PZP: variants seen among roughly 807,000 people sequenced by gnomAD.
The protein encoded by PZP is pregnancy zone protein.
Under a neutral mutation model 179.8 loss-of-function variants are expected in PZP, and 150 were observed. That is an observed-to-expected ratio of 0.83 (90% CI 0.73 to 0.96). The LOEUF is 0.96. Among genes scored for constraint, PZP ranks in the 40% least tolerant of loss-of-function variants. The pLI is 0.00. For synonymous variants in PZP, 624 were observed against 652.3 expected (o/e 0.96, Z 0.66); for missense variants, 1,689 against 1,764.0 (o/e 0.96, Z 0.76).
chr12:9,157,114 T>C, intron 28 of PZP, 61 bp downstream of exon 28: 1 of 1,516,382 alleles, frequency 6.6e-7, no homozygotes. Flanking sequence ...CAATGTGTGC[T>C]GTTCCCCTCC....
downstream of PZP, among the ~76,000 whole-genome samples, chr12:9,143,885 G>A (rs1345727421): frequency 1.3e-5 from 2 of 152,214 alleles, no homozygotes; most frequent in Non-Finnish European, 2.9e-5. Context: ...GAAGCCTAGG[G>A]TGTCTGTTTT....
At chr12:9,191,939 T>C (rs1943479981) in intron 13 of PZP, among the ~76,000 whole-genome samples, 1 of 152,194 alleles carries the variant, frequency 6.6e-6, no homozygotes, top group South Asian at 2.1e-4. Flanking sequence ...AGCTTTGTTT[T>C]GCTGTTAGAA....
At chr12:9,201,298 C>T in intron 5 of PZP, 29 bp downstream of exon 5, 8 of 1,508,934 alleles carry the variant, frequency 5.3e-6, no homozygotes, top group Non-Finnish European at 7.3e-6. Flanking sequence ...GCACTAATTT[C>T]CTTATAAGAT....
chr12:9,187,243 T>C (rs1206585430), intron 13 of PZP, among the ~76,000 whole-genome samples: 3 of 152,144 alleles, frequency 2.0e-5, no homozygotes, highest in South Asian at 2.1e-4. Flanking sequence ...CACAATAATA[T>C]TGAGAAACTT....
chr12:9,171,761 C>G (rs1284485039), intron 15 of PZP, among the ~76,000 whole-genome samples: 7 of 151,958 alleles, frequency 4.6e-5, no homozygotes, highest in Admixed American at 4.6e-4. Context: ...GATTATCTAT[C>G]TGAAATAAGA....
At chr12:9,137,004 CT>C in the PZP span, among the ~76,000 whole-genome samples, 1 of 152,098 alleles carries the variant, frequency 6.6e-6, no homozygotes, top group Non-Finnish European at 1.5e-5. Context: ...TTGATTATTC[CT>C]TTGCTTTGCA....
At position 9,169,513 on chromosome 12, in the gene PZP, AGT is replaced by A. The variant is rs1199953396; in HGVS notation, c.1916_1917del (p.His639LeufsTer9). On this transcript the variant is annotated frameshift_variant, in exon 16 of 36. Coordinates refer to ENST00000261336, the MANE Select transcript of PZP (RefSeq NM_002864.3). LOFTEE classifies it high-confidence loss of function. The part of the protein sequence containing the change: ...NVDQQEEEQG[H>X]CPRPFFIHNG... ...TTATGAATGAAGAAAGGACGGGGAC[AGT>A]GTCCTTGTTCTTCCTCCTGCTGGTC... The A allele has an allele frequency of 6.2e-7, 1 of 1,612,468 alleles. No individual in the cohort carries two copies. The highest frequency in any genetic ancestry group is 1.1e-5 in the South Asian group (1 of 90,964).
intron 7 of PZP, among the ~76,000 whole-genome samples, chr12:9,199,666 G>T (rs753320872): frequency 3.3e-5 from 5 of 152,096 alleles, no homozygotes; most frequent in African/African-American, 1.2e-4. Context: ...AAAAAAGGAG[G>T]TTATAGACTT....
intron 17 of PZP, 42 bp downstream of exon 17, chr12:9,168,827 T>C: frequency 6.9e-7 from 1 of 1,449,224 alleles, no homozygotes; most frequent in Non-Finnish European, 9.7e-7. Context: ...ATAGTAATAT[T>C]GTTGGACATG....
Position 9,157,446 on chromosome 12 carries a change from T to C in PZP, c.3370-91A>G, listed in dbSNP as rs115126833. On this transcript the variant is annotated intron_variant, in intron 27 of 35. Coordinates refer to ENST00000261336, the MANE Select transcript of PZP (RefSeq NM_002864.3). ...GATATTGACAGTCAGATGTTATTAA[T>C]AGATTTCAGACAGATAGGCAGACAG... 544 of 1,254,186 alleles carry C rather than the reference T, an allele frequency of 4.3e-4. No individual in the cohort carries two copies. In the African/African-American group the frequency reaches 6.9e-3, roughly 16 times the overall value. The allele number at this position is 1,254,186 out of a possible 1,614,324, so 77.7% of individuals were successfully genotyped here. A position where few individuals can be genotyped will look rare whatever the true frequency, so the allele number is the denominator to read the frequency against.
chr12:9,152,144 G>A, intron 32 of PZP, 76 bp downstream of exon 32: 1 of 1,072,080 alleles, frequency 9.3e-7, no homozygotes, highest in South Asian at 1.3e-5. Context: ...ACATGGTTTT[G>A]ATATTGGTAT....
Position 9,196,423 on chromosome 12 carries a change from T to C in PZP, c.999A>G (p.Ala333=). The change falls in exon 10 of 36, where the codon GCA becomes GCG. Residue 333 remains alanine (A), a synonymous_variant. Coordinates refer to ENST00000261336, the MANE Select transcript of PZP (RefSeq NM_002864.3). ...REEGTDLEVT[A]NRISEITNIV... Reference sequence around the variant, plus strand: ...TGTTTGTGATTTCACTGATCCTGTTTGCAGTGACTTCCAGGTCTGAAAAAT... The same window carrying C: ...TGTTTGTGATTTCACTGATCCTGTTCGCAGTGACTTCCAGGTCTGAAAAAT... The C allele has an allele frequency of 6.2e-7, 1 of 1,612,308 alleles. No individual in the cohort carries two copies. The highest frequency in any genetic ancestry group is 8.5e-7 in the Non-Finnish European group (1 of 1,178,368).
In PZP at chr12:9,151,644, G is replaced by A. The variant is rs774063784; in HGVS notation, c.4241C>T (p.Thr1414Ile). The A allele has an allele frequency of 5.0e-6, 8 of 1,613,928 alleles. 1 individual carries two copies. In the South Asian group the frequency reaches 6.6e-5, roughly 13 times the overall value. The change falls in exon 33 of 36, where the codon ACA becomes ATA. Residue 1414 changes from threonine to isoleucine, a missense_variant. Around this residue, in one of 3 missense-constraint regions of PZP, gnomAD observed 746 missense variants for 749.2 expected, o/e 1.00. Transcript: ENST00000261336. ...GAGGACATGGTTGTTGCTCACTTCT[G>A]TCCGGCTCACAGAGCTAGATCTTTC... is the stretch of plus-strand genomic sequence containing the variant. ...MLERSSSVSR[T>I]EVSNNHVLIY... is the part of the protein sequence containing the mutation.
chr12:9,159,951 G>T lies in PZP; in HGVS notation c.3124C>A (p.Gln1042Lys). Residue 1042 changes from glutamine to lysine, a missense_variant, in exon 25 of 36, where the codon CAG (glutamine) becomes AAG (lysine). This residue lies in a region of PZP where 746 missense variants were observed against 749.2 expected (regional missense o/e 1.00). Transcript: ENST00000261336. ...STFGERYGRN[Q>K]GNTWLTAFVL... ...TTTCTTTCTTACCAAGTGTTGCCCT[G>T]GTTCCTGCCATATCGTTCCCCAAAG... 3 of 1,612,682 alleles carry T rather than the reference G, an allele frequency of 1.9e-6. No individual in the cohort carries two copies. The highest frequency in any genetic ancestry group is 2.5e-6 in the Non-Finnish European group (3 of 1,178,830).
At chr12:9,161,414 A>G (rs1941194978) in intron 22 of PZP, among the ~76,000 whole-genome samples, 1 of 152,214 alleles carries the variant, frequency 6.6e-6, no homozygotes, top group Non-Finnish European at 1.5e-5. Context: ...GGTGCAAGGA[A>G]TAAGAATTTG....
chr12:9,181,485 G>A (rs1055960843), intron 14 of PZP, among the ~76,000 whole-genome samples: 1 of 152,030 alleles, frequency 6.6e-6, no homozygotes, highest in Non-Finnish European at 1.5e-5. Flanking sequence ...ATGCTTTGGC[G>A]ACACATTAAT....
rs1476982772 is a variant in PZP at position 9,149,597 on chromosome 12, A to G, written c.4390T>C (p.Ser1464Pro). 1.2e-6 allele frequency: 2 copies of G among 1,612,888 alleles called. No individual in the cohort carries two copies. Among genetic ancestry groups the G allele is most frequent in the Admixed American group, 3.3e-5 (2 of 59,926 alleles). The change falls in exon 35 of 36, where the codon TCT becomes CCT. Residue 1464 changes from serine (S) to proline (P), a missense_variant. Physicochemically the swap from Ser to Pro is moderately conservative, Grantham distance 74. Around this residue, in one of 3 missense-constraint regions of PZP, gnomAD observed 746 missense variants for 749.2 expected, o/e 1.00. Transcript: ENST00000261336. Reference sequence around the variant, plus strand: ...GGGGCGATATACTCAGCAACCACAGACTCATCTGAAAGATAACGTTGGGTG... The same window carrying G: ...GGGGCGATATACTCAGCAACCACAGGCTCATCTGAAAGATAACGTTGGGTG... ...KVYDYYETDE[S>P]VVAEYIAPCS... is the part of the protein sequence containing the mutation.
intron 13 of PZP, among the ~76,000 whole-genome samples, chr12:9,184,074 A>C (rs571257688): frequency 2.3e-4 from 35 of 152,224 alleles, no homozygotes; most frequent in Non-Finnish European, 4.9e-4. Context: ...AATTATGGTG[A>C]CTTTATGGCA....
At chr12:9,164,991 T>C (rs1673330078) in intron 19 of PZP, 148 bp downstream of exon 19, 4 of 963,630 alleles carry the variant, frequency 4.2e-6, no homozygotes, top group Non-Finnish European at 6.3e-6. Context: ...TTTCTGATCA[T>C]GTCCTGCTTT....
Sources: gnomAD v4.1 joint callset for allele counts (sites outside exome capture counted in the v4.1 genomes callset) on GRCh38, gnomAD v4.1.1 for gene constraint, gnomAD v4.1.1 regional missense constraint, MANE v1.5 for transcripts, NCBI Gene and HGNC (gene_info 2026-07-23, HGNC 2026-07-21) for gene names.